The following RNF152 variants were observed in gnomAD, a reference collection of about 807,000 sequenced individuals.
The protein encoded by RNF152 is E3 ubiquitin-protein ligase RNF152.
RNF152 carries 11 observed loss-of-function variants against 12.7 expected under a neutral mutation model. The ratio of observed to expected loss-of-function variants is 0.86; its 90% CI spans 0.54 to 1.43. The LOEUF (loss-of-function observed/expected upper bound fraction) is 1.43. Ranked by LOEUF, RNF152 falls within the 40% of genes most tolerant of loss-of-function variation. The pLI, the probability that RNF152 is intolerant of heterozygous loss-of-function variation, is 0.00. For synonymous variants in RNF152, 113 were observed against 120.3 expected, an observed-to-expected ratio of 0.94 and a Z score of 0.40; for missense variants, 255 against 274.8, an observed-to-expected ratio of 0.93 and a Z score of 0.51.
intron 1 of RNF152, among the ~76,000 whole-genome samples, chr18:61,867,224 G>C (rs956252348): frequency 6.6e-6 from 1 of 152,186 alleles, no homozygotes; most frequent in South Asian, 2.1e-4. Context: ...CGGGAGGCAG[G>C]TGGATCAATT....
At chr18:61,866,099 C>T (rs888715611) in intron 1 of RNF152, among the ~76,000 whole-genome samples, 3 of 152,162 alleles carry the variant, frequency 2.0e-5, no homozygotes, top group Non-Finnish European at 4.4e-5. Flanking sequence ...CATATACTCC[C>T]ACCTCCAAGG....
chr18:61,856,683 G>A (rs1911237887), intron 1 of RNF152, among the ~76,000 whole-genome samples: 1 of 152,070 alleles, frequency 6.6e-6, no homozygotes, highest in Admixed American at 6.6e-5. Flanking sequence ...GGGAGGGGTG[G>A]TCGAGCAATC....
rs763135972 is a variant in RNF152, at chr18:61,816,210, G to A, written c.254C>T (p.Ser85Phe). The change falls in exon 2 of 2, where the codon TCC becomes TTC. Residue 85 changes from serine (S) to phenylalanine (F), a missense_variant. By Grantham distance (155) the Ser-to-Phe change is radical. Coordinates refer to ENST00000312828, the MANE Select transcript of RNF152 (RefSeq NM_173557.3). ...TTTGATGAAGACCGGGGTGTGTTCG[G>A]AAGTGTGTGGAATGGCGATGACAGC... ...VLAVIAIPHT[S>F]EHTPVFIKLP... 6.8e-6 allele frequency: 11 copies of A among 1,614,244 alleles called. No homozygotes were observed. In the South Asian group the frequency reaches 1.2e-4, roughly 18 times the overall value.
At chr18:61,822,494 T>C (rs1237479849) in intron 1 of RNF152, among the ~76,000 whole-genome samples, 1 of 152,222 alleles carries the variant, frequency 6.6e-6, no homozygotes, top group African/African-American at 2.4e-5. Flanking sequence ...TGTGACAAAG[T>C]GCGCGCATTC....
At chr18:61,880,689 A>G (rs1912423780) in intron 1 of RNF152, among the ~76,000 whole-genome samples, 2 of 152,206 alleles carry the variant, frequency 1.3e-5, no homozygotes. Flanking sequence ...TATCTGATAA[A>G]TTTCCATGTC....
At chr18:61,843,590 G>T (rs541387701) in intron 1 of RNF152, among the ~76,000 whole-genome samples, 1 of 152,216 alleles carries the variant, frequency 6.6e-6, no homozygotes, top group East Asian at 1.9e-4. Flanking sequence ...GCAAAATATG[G>T]TATGGCCATA....
intron 1 of RNF152, among the ~76,000 whole-genome samples, chr18:61,892,414 C>A (rs905608536): frequency 1.3e-5 from 2 of 152,174 alleles, no homozygotes; most frequent in Non-Finnish European, 2.9e-5. Context: ...TCCAATGATA[C>A]CTTTTCAACA....
intron 1 of RNF152, among the ~76,000 whole-genome samples, chr18:61,830,210 G>C (rs1012386725): frequency 2.6e-5 from 4 of 152,060 alleles, no homozygotes; most frequent in Admixed American, 2.6e-4. Context: ...ATTTAGTAGA[G>C]ATGGGGGTGT....
chr18:61,857,167 G>T (rs187715567), intron 1 of RNF152, among the ~76,000 whole-genome samples: 1 of 152,254 alleles, frequency 6.6e-6, no homozygotes, highest in East Asian at 1.9e-4. Context: ...ATACGTCAGG[G>T]TTCAAGCTCT....
chr18:61,874,902 T>C (rs1284928087), intron 1 of RNF152: 1 of 152,152 alleles, frequency 6.6e-6, no homozygotes, highest in Non-Finnish European at 1.5e-5. Flanking sequence ...CCTTAAACAC[T>C]CTTTATGCTG....
intron 1 of RNF152, among the ~76,000 whole-genome samples, chr18:61,832,922 A>C (rs1051077709): frequency 1.3e-5 from 2 of 152,216 alleles, no homozygotes; most frequent in African/African-American, 4.8e-5. Context: ...CTTGTTAGTT[A>C]GTCTGTTCCC....
In RNF152 at chr18:61,815,972, G is replaced by A; in HGVS notation, c.492C>T (p.Ser164=). The stretch of plus-strand genomic sequence containing the variant: ...TGACAGTGCACACCCCCGACCAGGT[G>A]GAGCTTTTCACCACGCCCCGCCTGT... The part of the protein sequence containing the change: ...EQDRRGVVKS[S]TWSGVCTVIL... Residue 164 remains serine (S), a synonymous_variant, in exon 2 of 2, where the codon TCC becomes TCT. Transcript: ENST00000312828. The A allele has an allele frequency of 9.3e-6, 15 of 1,614,212 alleles. No homozygotes were observed. The highest frequency in any genetic ancestry group is 1.3e-5 in the African/African-American group (1 of 75,062).
At chr18:61,864,427 C>T (rs1911637605) in intron 1 of RNF152, among the ~76,000 whole-genome samples, 1 of 152,174 alleles carries the variant, frequency 6.6e-6, no homozygotes, top group African/African-American at 2.4e-5. Context: ...GGAAGAAATA[C>T]ACAGGGCAAG....
At chr18:61,845,172 A>T (rs962548314) in intron 1 of RNF152, among the ~76,000 whole-genome samples, 3 of 152,184 alleles carry the variant, frequency 2.0e-5, no homozygotes, top group African/African-American at 7.2e-5. Context: ...TGCAGCCTTA[A>T]ACTCCTGGAC....
At chr18:61,838,616 T>C (rs1008247624) in intron 1 of RNF152, among the ~76,000 whole-genome samples, 36 of 152,248 alleles carry the variant, frequency 2.4e-4, no homozygotes, top group African/African-American at 8.4e-4. Context: ...AAAGCATCTA[T>C]AGATAGCCAC....
intron 1 of RNF152, among the ~76,000 whole-genome samples, chr18:61,836,893 A>C (rs1215976052): frequency 1.3e-5 from 2 of 152,232 alleles, no homozygotes; most frequent in East Asian, 3.8e-4. Context: ...ATAAATCATC[A>C]ATAGATGCTA....
intron 1 of RNF152, among the ~76,000 whole-genome samples, chr18:61,891,490 A>G (rs1912959166): frequency 6.6e-6 from 1 of 152,142 alleles, no homozygotes; most frequent in Non-Finnish European, 1.5e-5. Context: ...CTATTATCCC[A>G]TCACATGTTT....
At chr18:61,866,274 C>T (rs367799726) in intron 1 of RNF152, among the ~76,000 whole-genome samples, 5 of 152,148 alleles carry the variant, frequency 3.3e-5, no homozygotes, top group East Asian at 3.9e-4. Context: ...GGTAGCCCCA[C>T]GGATGGCTAC....
chr18:61,882,292 A>C (rs1912498685), intron 1 of RNF152, among the ~76,000 whole-genome samples: 1 of 152,258 alleles, frequency 6.6e-6, no homozygotes. Context: ...TGTGTGTAAA[A>C]ATAAAGGCAA....
Sources: gnomAD v4.1 joint callset for allele counts (sites outside exome capture counted in the v4.1 genomes callset) on GRCh38, gnomAD v4.1.1 for gene constraint, MANE v1.5 for transcripts, NCBI Gene and HGNC (gene_info 2026-07-23, HGNC 2026-07-21) for gene names.